Variants in PCDHGA4 observed in about 807,000 individuals in gnomAD.
The protein encoded by PCDHGA4 is protocadherin gamma subfamily A, 4.
Under a neutral mutation model 54.6 loss-of-function variants are expected in PCDHGA4, and 38 were observed. The observed-to-expected ratio is 0.70, with a 90% CI of 0.54 to 0.91. The LOEUF (loss-of-function observed/expected upper bound fraction) is 0.91, where lower values mean the gene tolerates loss of function less well. Among genes scored for constraint, PCDHGA4 ranks in the 40% least tolerant of loss-of-function variants. The probability of loss-of-function intolerance (pLI) is 0.00; values close to 1 mark genes in which losing one functional copy is unlikely to be tolerated. For missense variants in PCDHGA4, 1,298 were observed against 1,220.9 expected, an observed-to-expected ratio of 1.06 and a Z score of -0.94; for synonymous variants, 511 against 512.9, an observed-to-expected ratio of 1.00 and a Z score of 0.05.
chr5:141,485,986 G>T lies in PCDHGA4; in HGVS notation c.2515-8821G>T, dbSNP rs2099622467. The T allele has an allele frequency of 1.2e-6, 2 of 1,614,084 alleles. No homozygotes were observed. Among genetic ancestry groups the T allele is most frequent in the African/African-American group, 1.3e-5 (1 of 74,936 alleles). On this transcript the variant is annotated intron_variant, in intron 1 of 3. Transcript: ENST00000571252. This position sits in a 1 kb window ranked among gnomAD's most constrained non-coding sequence, Gnocchi z 5.7. ...AGCTCAATGCCTCAGACCCGGACCT[G>T]GGTCCCAGTGGTAACGTCACCTTTT...
chr5:141,491,390 T>G lies in PCDHGA4; in HGVS notation c.2515-3417T>G. 1 of 1,614,130 alleles carries G rather than the reference T, an allele frequency of 6.2e-7. No individual in the cohort carries two copies. Among genetic ancestry groups the G allele is most frequent in the Admixed American group, 1.7e-5 (1 of 60,028 alleles). ...TTCACCTTTCTGTCAGCGAAGTGCC[T>G]TCAGGGAAACGCAGACGGGGACGGG... On this transcript the variant is annotated intron_variant, in intron 1 of 3. Transcript: ENST00000571252. The surrounding 1 kb of genome is among the most constrained non-coding windows in gnomAD (Gnocchi z 6.9).
intron 1 of PCDHGA4, among the ~76,000 whole-genome samples, chr5:141,437,716 C>T (rs575174227): frequency 1.2e-4 from 18 of 151,782 alleles, no homozygotes; most frequent in Admixed American, 1.0e-3. Flanking sequence ...CACAGTTACC[C>T]TCTAATGTTA....
chr5:141,370,228 C>T (rs1172263446), intron 1 of PCDHGA4: 1 of 585,074 alleles, frequency 1.7e-6, no homozygotes, highest in Non-Finnish European at 2.8e-6. Flanking sequence ...CTGCAGCCAG[C>T]TCGGAAGAAA....
Position 141,385,102 on chromosome 5 carries a change from G to A in PCDHGA4, c.2514+27481G>A, listed in dbSNP as rs370391349. On this transcript the variant is annotated intron_variant, in intron 1 of 3. Transcript: ENST00000571252. ...GGCTTCAGAAGGTGGCTTGGCGAAC[G>A]TGCCCACCTCGCACTTTGTGGGCAT... 6 of 1,614,174 alleles carry A rather than the reference G, an allele frequency of 3.7e-6. No homozygotes were observed. The East Asian group carries it at 6.7e-5, about 18-fold the overall frequency.
rs753664223 is a variant in PCDHGA4 at position 141,410,518 on chromosome 5, C to G, written c.2514+52897C>G. 5.0e-6 allele frequency: 8 copies of G among 1,613,820 alleles called. No homozygotes were observed. In the East Asian group the frequency reaches 1.8e-4, roughly 36 times the overall value. On this transcript the variant is annotated intron_variant, in intron 1 of 3. Coordinates refer to ENST00000571252, the MANE Select transcript of PCDHGA4 (RefSeq NM_018917.4). ...TTAATTTCCTAAAATGCAGTGTGCC[C>G]CTACATTCCAATGAAGACATGGTTT...
In PCDHGA4 at chr5:141,502,866, C is replaced by CTTTTTTTTTT. The variant is rs549047197; in HGVS notation, c.2574-2522_2574-2513dup. On this transcript the variant is annotated intron_variant, in intron 2 of 3. Transcript: ENST00000571252. ...GAGCTGCCTAACCCTGACTCTCTGT[C>CTTTTTTTTTT]TTTTTTTTTTTTTTGACAGGGAGTC... 1.9e-3 allele frequency among the ~76,000 whole-genome samples: 240 copies of CTTTTTTTTTT among 127,966 alleles called. 11 individuals are homozygous for CTTTTTTTTTT. The highest frequency in any genetic ancestry group is 3.5e-3 in the Admixed American group (41 of 11,656). The allele number at this position is 127,966 out of a possible 152,430, so 84.0% of individuals were successfully genotyped here.
chr5:141,403,540 G>A (rs752983401), intron 1 of PCDHGA4: 2 of 1,613,886 alleles, frequency 1.2e-6, no homozygotes, highest in African/African-American at 2.7e-5. Context: ...AGCTGGTGCT[G>A]GAGCGCGCCC....
At position 141,491,423 on chromosome 5, in the gene PCDHGA4, G is replaced by A; in HGVS notation, c.2515-3384G>A. The A allele has an allele frequency of 3.1e-6, 5 of 1,614,126 alleles. No homozygotes were observed. Among genetic ancestry groups the A allele is most frequent in the Non-Finnish European group, 4.2e-6 (5 of 1,180,036 alleles). ...AACGCAGACGGGGACGGGGGTGGAGGGCAGTGCTGCAGGCGCCAGGACTCA... is the reference window on the plus strand; with the variant it reads ...AACGCAGACGGGGACGGGGGTGGAGAGCAGTGCTGCAGGCGCCAGGACTCA... On this transcript the variant is annotated intron_variant, in intron 1 of 3. Transcript: ENST00000571252. The surrounding 1 kb of genome is among the most constrained non-coding windows in gnomAD (Gnocchi z 6.9).
chr5:141,438,513 A>G (rs2097964808), intron 1 of PCDHGA4, among the ~76,000 whole-genome samples: 1 of 148,768 alleles, frequency 6.7e-6, no homozygotes, highest in Non-Finnish European at 1.5e-5. Context: ...TGCAAAACCA[A>G]TTATTTTACA....
chr5:141,398,656 A>G, intron 1 of PCDHGA4: 1 of 1,614,034 alleles, frequency 6.2e-7, no homozygotes, highest in African/African-American at 1.3e-5. Context: ...TCTTAACCCA[A>G]GTTTCTCATT....
chr5:141,428,459 A>C, intron 1 of PCDHGA4: 2 of 350,154 alleles, frequency 5.7e-6, no homozygotes, highest in Non-Finnish European at 5.5e-6. Context: ...CCCAACTACA[A>C]TGAGGGAACT....
chr5:141,475,008 T>C (rs1292437400), intron 1 of PCDHGA4, among the ~76,000 whole-genome samples: 1 of 152,258 alleles, frequency 6.6e-6, no homozygotes, highest in Admixed American at 6.5e-5. Flanking sequence ...TGCAGAAAAG[T>C]TAAGGCTCTT....
rs561122870 is a variant in PCDHGA4 at position 141,439,444 on chromosome 5, C to T, written c.2515-55363C>T. On this transcript the variant is annotated intron_variant, in intron 1 of 3. Transcript: ENST00000571252. ...ATAAATTCCCAGGAATATTTTATTG[C>T]GGGAGCAAGACTGCACTGCTGCCTT... Among the ~76,000 whole-genome samples the T allele has an allele frequency of 3.0e-4, 46 of 152,264 alleles. 1 individual carries two copies. The South Asian group carries it at 6.2e-3, about 21-fold the overall frequency.
rs116335001 is a variant in PCDHGA4, at chr5:141,360,878, G to C, written c.2514+3257G>C. 2.7e-5 allele frequency: 43 copies of C among 1,614,024 alleles called. No homozygotes were observed. The African/African-American group carries it at 5.3e-4, about 20-fold the overall frequency. On this transcript the variant is annotated intron_variant, in intron 1 of 3. Transcript: ENST00000571252. ...CCAGTGTTCAGCCAGGACGTGTACA[G>C]GGTCACCCTGAGGGAGGACGTGCCG...
chr5:141,491,414 G>T lies in PCDHGA4; in HGVS notation c.2515-3393G>T, dbSNP rs137987971. ...CTTCAGGGAAACGCAGACGGGGACGGGGGTGGAGGGCAGTGCTGCAGGCGC... is the reference window on the plus strand; with the variant it reads ...CTTCAGGGAAACGCAGACGGGGACGTGGGTGGAGGGCAGTGCTGCAGGCGC... On this transcript the variant is annotated intron_variant, in intron 1 of 3. Coordinates refer to ENST00000571252, the MANE Select transcript of PCDHGA4 (RefSeq NM_018917.4). The surrounding 1 kb of genome is among the most constrained non-coding windows in gnomAD (Gnocchi z 6.9). 1.9e-6 allele frequency: 3 copies of T among 1,614,008 alleles called. No homozygotes were observed. Among genetic ancestry groups the T allele is most frequent in the Non-Finnish European group, 2.5e-6 (3 of 1,180,030 alleles).
At chr5:141,434,338 G>A (rs1037038534) in intron 1 of PCDHGA4, among the ~76,000 whole-genome samples, 5 of 152,086 alleles carry the variant, frequency 3.3e-5, no homozygotes, top group East Asian at 1.9e-4. Context: ...TCTTTGTGTC[G>A]GGAACAGGCC....
At position 141,409,164 on chromosome 5, in the gene PCDHGA4, C is replaced by T. The variant is rs115772303; in HGVS notation, c.2514+51543C>T. ...GAAAGGTACACCATGGAAGTGGAAG[C>T]GAAGGACGGAGGTGGTCTCTCTACC... On this transcript the variant is annotated intron_variant, in intron 1 of 3. Transcript: ENST00000571252. 2.0e-3 allele frequency: 3,227 copies of T among 1,613,908 alleles called. 51 individuals are homozygous for T. In the African/African-American group the frequency reaches 0.029, roughly 14 times the overall value.
chr5:141,371,332 A>C (rs1481476869), intron 1 of PCDHGA4: 3 of 1,613,988 alleles, frequency 1.9e-6, no homozygotes, highest in Admixed American at 1.7e-5. Context: ...GAAGAGAGAG[A>C]TAGCTACACA....
chr5:141,510,291 A>AG (rs903726285), intron 3 of PCDHGA4, among the ~76,000 whole-genome samples: 1 of 150,450 alleles, frequency 6.6e-6, no homozygotes, highest in African/African-American at 2.4e-5. Context: ...AAAAAAAAAA[A>AG]TGCTGTTTTG....
Sources: gnomAD v4.1 joint callset for allele counts (sites outside exome capture counted in the v4.1 genomes callset) on GRCh38, gnomAD v4.1.1 for gene constraint, Gnocchi (gnomAD v3.1) non-coding constraint, MANE v1.5 for transcripts, NCBI Gene and HGNC (gene_info 2026-07-23, HGNC 2026-07-21) for gene names.